Variants in ADGRG2 observed in about 807,000 individuals in gnomAD.
ADGRG2 encodes adhesion G protein-coupled receptor G2.
Under a neutral mutation model 74.1 loss-of-function variants are expected in ADGRG2, and 26 were observed. That is an observed-to-expected ratio of 0.35 (90% CI 0.26 to 0.49). The LOEUF (loss-of-function observed/expected upper bound fraction) is 0.49. ADGRG2 is among the 20% of genes least tolerant of loss of function. The pLI is 0.99. For synonymous variants in ADGRG2, 296 were observed against 295.2 expected, an observed-to-expected ratio of 1.00 and a Z score of -0.03; for missense variants, 619 against 763.1, an observed-to-expected ratio of 0.81 and a Z score of 2.22.
intron 3 of ADGRG2, among the ~76,000 whole-genome samples, chrX:19,065,287 T>TAAAAAA (rs2061550218): frequency 1.5e-5 from 1 of 67,550 alleles, no homozygotes; most frequent in African/African-American, 5.9e-5. Context: ...AAAAAAAAAG[T>TAAAAAA]AAAGAAAAGA....
At chrX:19,102,865 G>A (rs989996776) in intron 1 of ADGRG2, among the ~76,000 whole-genome samples, 4 of 111,052 alleles carry the variant, frequency 3.6e-5, no homozygotes, top group African/African-American at 9.8e-5. Context: ...TGGACTTCTC[G>A]GCCTCCAGAA....
chrX:19,037,438 A>G, intron 6 of ADGRG2, 29 bp downstream of exon 6: 1 of 1,092,219 alleles, frequency 9.2e-7, no homozygotes, highest in South Asian at 1.9e-5. Context: ...AGGGTTATCA[A>G]TTTTCACTTG....
At chrX:19,031,946 A>C (rs2060834582) in intron 8 of ADGRG2, 1 of 112,460 alleles carries the variant, frequency 8.9e-6, no homozygotes, top group South Asian at 3.7e-4. Context: ...TGTATTAAAC[A>C]AACTGCCAAG....
intron 18 of ADGRG2, among the ~76,000 whole-genome samples, chrX:19,008,745 A>AAAT (rs753000279): frequency 1.8e-5 from 2 of 111,935 alleles, no homozygotes; most frequent in African/African-American, 3.3e-5. Context: ...GGATGCAAAG[A>AAAT]AATAGTTGAA....
At chrX:19,055,041 C>G (rs777702458) in intron 3 of ADGRG2, among the ~76,000 whole-genome samples, 2 of 112,141 alleles carry the variant, frequency 1.8e-5, no homozygotes, top group Non-Finnish European at 3.8e-5. Flanking sequence ...GGGGCTCAGT[C>G]TGTTCTCGTG....
intron 1 of ADGRG2, among the ~76,000 whole-genome samples, chrX:19,098,354 T>G (rs767456591): frequency 1.8e-5 from 2 of 111,803 alleles, no homozygotes; most frequent in African/African-American, 3.2e-5. Context: ...ATGGTTAGAT[T>G]AGAAAATGTA....
chrX:19,005,805 G>A (rs886149571), intron 22 of ADGRG2, among the ~76,000 whole-genome samples, 197 bp downstream of exon 22: 7 of 111,639 alleles, frequency 6.3e-5, no homozygotes, highest in African/African-American at 2.3e-4. Flanking sequence ...CACCCACCTT[G>A]GCCTCCCAAA....
chrX:19,067,766 CACAAAGA>C (rs1158251662), intron 3 of ADGRG2, among the ~76,000 whole-genome samples: 1 of 112,058 alleles, frequency 8.9e-6, no homozygotes, highest in Admixed American at 9.5e-5. Context: ...ATCCAGAATA[CACAAAGA>C]ACTTCAAAAC....
intron 2 of ADGRG2, among the ~76,000 whole-genome samples, chrX:19,072,195 A>G (rs1179347894): frequency 9.2e-6 from 1 of 108,824 alleles, no homozygotes; most frequent in Admixed American, 9.9e-5. Flanking sequence ...CTCATCAGCT[A>G]TCAATAGTGT....
chrX:19,001,984 G>C (rs1292138120), intron 24 of ADGRG2, among the ~76,000 whole-genome samples: 2 of 110,914 alleles, frequency 1.8e-5, no homozygotes, highest in African/African-American at 6.6e-5. Context: ...TATACACACT[G>C]TTATATATTA....
At chrX:19,067,032 A>G (rs1343795052) in intron 3 of ADGRG2, among the ~76,000 whole-genome samples, 1 of 111,977 alleles carries the variant, frequency 8.9e-6, no homozygotes, top group African/African-American at 3.2e-5. Context: ...GCAGGAAAAT[A>G]GGGTCTGGAG....
chrX:19,017,235 G>A (rs2060489132), intron 15 of ADGRG2, among the ~76,000 whole-genome samples: 1 of 112,029 alleles, frequency 8.9e-6, no homozygotes, highest in Non-Finnish European at 1.9e-5. Flanking sequence ...ATTTTAACAA[G>A]ATCCTGAGTG....
chrX:19,121,059 G>C (rs745997232), intron 1 of ADGRG2, among the ~76,000 whole-genome samples: 115 of 111,213 alleles, frequency 1.0e-3, no homozygotes, highest in African/African-American at 3.7e-3. Context: ...AATTAACTGA[G>C]GATCTGACCC....
intron 3 of ADGRG2, among the ~76,000 whole-genome samples, chrX:19,049,743 G>A (rs2061280881): frequency 9.0e-6 from 1 of 110,763 alleles, no homozygotes; most frequent in Admixed American, 9.6e-5. Flanking sequence ...CACCCCTGCT[G>A]TAGGGTTATC....
In ADGRG2 at chrX:19,091,111, C is replaced by T. The variant is rs1016236331; in HGVS notation, c.-46-8365G>A. On this transcript the variant is annotated intron_variant, in intron 1 of 28. Transcript: ENST00000379869. ...GAGGGAATGTCACTCATGTAAGGAA[C>T]TGAAGAAAGGTAGGAGTGGACAGGA... is the stretch of plus-strand genomic sequence containing the variant. Among the ~76,000 whole-genome samples the T allele has an allele frequency of 3.6e-5, 4 of 111,291 alleles. No individual in the cohort carries two copies. The Admixed American group carries it at 3.8e-4, about 11-fold the overall frequency.
intron 6 of ADGRG2, among the ~76,000 whole-genome samples, chrX:19,037,015 C>T (rs1375408803): frequency 9.0e-6 from 1 of 111,459 alleles, no homozygotes; most frequent in African/African-American, 3.3e-5. Context: ...GATAGGGAAG[C>T]CATTTTTTTC....
In ADGRG2 at chrX:18,999,290, T is replaced by C. The variant is rs1305865343; in HGVS notation, c.2331-11A>G. 8.5e-7 allele frequency: 1 copy of C among 1,169,978 alleles called. No individual in the cohort carries two copies. The highest frequency in any genetic ancestry group is 2.4e-5 in the Admixed American group (1 of 41,808). On this transcript the variant is annotated splice_polypyrimidine_tract_variant and intron_variant, in intron 25 of 28. Coordinates refer to ENST00000379869, the MANE Select transcript of ADGRG2 (RefSeq NM_001079858.3). ...TTGTTGATCCAGCAGCTGGAGTTTG[T>C]GGAGGGGGGGAAACAGGGGAAAACA... is the stretch of plus-strand genomic sequence containing the variant.
At chrX:19,100,477 T>A (rs749711515) in intron 1 of ADGRG2, among the ~76,000 whole-genome samples, 1 of 113,125 alleles carries the variant, frequency 8.8e-6, no homozygotes, top group East Asian at 2.8e-4. Flanking sequence ...TGGGCCATGG[T>A]TTGCCAACCC....
chrX:19,014,353 T>C (rs1309325480), intron 15 of ADGRG2, among the ~76,000 whole-genome samples: 1 of 111,521 alleles, frequency 9.0e-6, no homozygotes, highest in Non-Finnish European at 1.9e-5. Context: ...CTGTGTCTCA[T>C]GGTCACTCAA....
Sources: allele counts gnomAD v4.1 joint callset (sites outside exome capture counted in the v4.1 genomes callset), GRCh38; gene constraint gnomAD v4.1.1; transcripts MANE v1.5; gene names NCBI Gene and HGNC (gene_info 2026-07-23, HGNC 2026-07-21).